The following CDC40 variants were observed in gnomAD, a reference collection of about 807,000 sequenced individuals.
The protein encoded by CDC40 is pre-mRNA-processing factor 17.
Under a neutral mutation model 80.6 loss-of-function variants are expected in CDC40, and 27 were observed. The observed-to-expected ratio is 0.33, with a 90% confidence interval of 0.25 to 0.46. The LOEUF is 0.46. CDC40 is among the 20% of genes least tolerant of loss of function. CDC40 has a pLI of 1.00. For missense variants in CDC40, 486 were observed against 694.1 expected (o/e 0.70, Z 3.37); for synonymous variants, 221 against 232.6 (o/e 0.95, Z 0.45).
chr6:110,181,768 A>G (rs977740694), intron 1 of CDC40, among the ~76,000 whole-genome samples: 2 of 152,136 alleles, frequency 1.3e-5, no homozygotes, highest in Non-Finnish European at 2.9e-5. Flanking sequence ...CCTCTTGGGA[A>G]ACTACTGTCT....
At chr6:110,225,762 T>A (rs1334818655) in intron 12 of CDC40, among the ~76,000 whole-genome samples, 1 of 152,216 alleles carries the variant, frequency 6.6e-6, no homozygotes, top group Admixed American at 6.5e-5. Flanking sequence ...TTGGTTTTAT[T>A]TCAACAGCTT....
intron 5 of CDC40, 168 bp downstream of exon 5, chr6:110,209,391 G>T: frequency 1.8e-4 from 90 of 497,820 alleles, no homozygotes; most frequent in South Asian, 9.3e-4. Flanking sequence ...TTTTTCTTTG[G>T]GATATTTTTA....
At chr6:110,207,634 A>G (rs1562203848) in intron 4 of CDC40, 45 bp downstream of exon 4, 2 of 984,282 alleles carry the variant, frequency 2.0e-6, no homozygotes, top group Middle Eastern at 4.2e-4. Context: ...CTACACATCT[A>G]TAATTAGTGT....
intron 12 of CDC40, among the ~76,000 whole-genome samples, chr6:110,220,663 T>C (rs150107899): frequency 0.063 from 9,563 of 152,124 alleles, 394 homozygotes; most frequent in African/African-American, 0.12. Context: ...GCCAGGATGG[T>C]CTCGATTTCC....
chr6:110,219,337 CT>C (rs763568309), intron 10 of CDC40, 26 bp from the exon 11 acceptor site: 94 of 1,000,130 alleles, frequency 9.4e-5, no homozygotes, highest in Non-Finnish European at 1.3e-4. Flanking sequence ...TTTATTTTAC[CT>C]ATTTAATTTG....
intron 3 of CDC40, among the ~76,000 whole-genome samples, chr6:110,202,895 A>G (rs1308308594): frequency 1.3e-5 from 2 of 152,084 alleles, no homozygotes; most frequent in African/African-American, 4.8e-5. Flanking sequence ...CTCTCCCACT[A>G]GGAAGTGGAG....
At chr6:110,191,761 A>G (rs1777351947) in intron 1 of CDC40, among the ~76,000 whole-genome samples, 1 of 152,176 alleles carries the variant, frequency 6.6e-6, no homozygotes, top group South Asian at 2.1e-4. Flanking sequence ...CTAGATGAAG[A>G]CAGAAGTTGG....
intron 1 of CDC40, among the ~76,000 whole-genome samples, chr6:110,189,750 T>C (rs1448013379): frequency 6.6e-6 from 1 of 152,230 alleles, no homozygotes; most frequent in Non-Finnish European, 1.5e-5. Context: ...TAGTCTCTTC[T>C]TAAGGAAGAA....
chr6:110,210,942 G>T (rs1389439167), intron 6 of CDC40, 139 bp downstream of exon 6: 1 of 352,668 alleles, frequency 2.8e-6, no homozygotes, highest in Non-Finnish European at 5.2e-6. Flanking sequence ...TGGACAATTT[G>T]TATCCCAAGG....
chr6:110,197,935 A>G (rs1777439681), intron 2 of CDC40, among the ~76,000 whole-genome samples: 1 of 152,104 alleles, frequency 6.6e-6, no homozygotes, highest in African/African-American at 2.4e-5. Flanking sequence ...CTGGGGTCAT[A>G]TGGTAGTTCT....
At chr6:110,223,388 TATTA>T (rs549465639) in intron 12 of CDC40, among the ~76,000 whole-genome samples, 276 of 152,300 alleles carry the variant, frequency 1.8e-3, no homozygotes, top group African/African-American at 6.1e-3. Context: ...GGAGAGAAGG[TATTA>T]ATTAATAACT....
intron 3 of CDC40, among the ~76,000 whole-genome samples, chr6:110,203,604 A>T (rs1314526692): frequency 6.6e-6 from 1 of 152,208 alleles, no homozygotes; most frequent in Admixed American, 6.5e-5. Flanking sequence ...AAAAGTTGTA[A>T]GATTGTTATA....
At chr6:110,203,474 G>A (rs937630785) in intron 3 of CDC40, among the ~76,000 whole-genome samples, 2 of 152,196 alleles carry the variant, frequency 1.3e-5, no homozygotes, top group Non-Finnish European at 1.5e-5. Context: ...TTGTAGTGGT[G>A]TTATCTAACA....
chr6:110,193,339 A>C, intron 2 of CDC40, 71 bp downstream of exon 2: 1 of 876,436 alleles, frequency 1.1e-6, no homozygotes, highest in Non-Finnish European at 1.9e-6. Flanking sequence ...TAGGTGCAGC[A>C]GTGAATTTTT....
At chr6:110,220,321 C>A (rs1182633465) in intron 12 of CDC40, among the ~76,000 whole-genome samples, 1 of 151,846 alleles carries the variant, frequency 6.6e-6, no homozygotes, top group Non-Finnish European at 1.5e-5. Flanking sequence ...ATGTATTAGT[C>A]TGTTTTCACA....
intron 2 of CDC40, among the ~76,000 whole-genome samples, chr6:110,200,474 C>T (rs1777480817): frequency 6.6e-6 from 1 of 152,068 alleles, no homozygotes; most frequent in Non-Finnish European, 1.5e-5. Context: ...CTATTATTTT[C>T]GCCCTTTCCA....
intron 8 of CDC40, among the ~76,000 whole-genome samples, chr6:110,214,195 T>C (rs1777672483): frequency 1.3e-5 from 2 of 152,192 alleles, no homozygotes; most frequent in Non-Finnish European, 2.9e-5. Flanking sequence ...TAACTTTTAC[T>C]TTTACTTTGT....
intron 5 of CDC40, 93 bp downstream of exon 5, chr6:110,209,316 A>G (rs1199219464): frequency 1.8e-6 from 2 of 1,120,094 alleles, no homozygotes; most frequent in Non-Finnish European, 2.6e-6. Context: ...TCTTTAGAGA[A>G]CCAAATGACT....
At chr6:110,187,865 A>G (rs1452908184) in intron 1 of CDC40, among the ~76,000 whole-genome samples, 3 of 152,234 alleles carry the variant, frequency 2.0e-5, no homozygotes, top group Non-Finnish European at 4.4e-5. Flanking sequence ...TTGAAACTGA[A>G]TAGAAATAAT....
Sources: gnomAD v4.1 joint callset for allele counts (sites outside exome capture counted in the v4.1 genomes callset) on GRCh38, gnomAD v4.1.1 for gene constraint, MANE v1.5 for transcripts, NCBI Gene and HGNC (gene_info 2026-07-23, HGNC 2026-07-21) for gene names.